Variants in STK32C observed in about 807,000 individuals in gnomAD.
The protein encoded by STK32C is serine/threonine kinase 32C.
Under a neutral mutation model 56.5 loss-of-function variants are expected in STK32C, and 31 were observed. That is an observed-to-expected ratio of 0.55 (90% CI 0.41 to 0.74). The LOEUF is 0.74. Among genes scored for constraint, STK32C ranks in the 30% least tolerant of loss-of-function variants. The pLI is 0.00. For missense variants in STK32C, 544 were observed against 676.9 expected, an observed-to-expected ratio of 0.80 and a Z score of 2.18; for synonymous variants, 309 against 289.4, an observed-to-expected ratio of 1.07 and a Z score of -0.69.
chr10:132,259,500 G>A, intron 1 of STK32C, among the ~76,000 whole-genome samples: 1 of 152,136 alleles, frequency 6.6e-6, no homozygotes, highest in Non-Finnish European at 1.5e-5. Context: ...ATCATGGGGT[G>A]GAGTTCCCCC....
In STK32C at chr10:132,301,520, C is replaced by T. The variant is rs531399690; in HGVS notation, c.262+6052G>A. On this transcript the variant is annotated intron_variant, in intron 1 of 11. Transcript: ENST00000298630. Reference sequence around the variant, plus strand: ...GGGGGTCCCCGGGGAAGACAAGGCCCCGCAGTGGGCTCGGGGACACAGGAT... The same window carrying T: ...GGGGGTCCCCGGGGAAGACAAGGCCTCGCAGTGGGCTCGGGGACACAGGAT... Among the ~76,000 whole-genome samples the T allele has an allele frequency of 2.6e-5, 4 of 152,302 alleles. No homozygotes were observed. In the South Asian group the frequency reaches 8.3e-4, roughly 32 times the overall value.
chr10:132,239,500 C>T (rs1415893092), intron 2 of STK32C, among the ~76,000 whole-genome samples: 1 of 152,256 alleles, frequency 6.6e-6, no homozygotes, highest in African/African-American at 2.4e-5. Flanking sequence ...ACACTCCCTG[C>T]CAGATGGGGG....
Position 132,222,767 on chromosome 10 carries a change from G to A in STK32C, c.1125C>T (p.Gly375=). The change falls in exon 10 of 12, where the codon GGC becomes GGT. Residue 375 remains glycine, a synonymous_variant. Coordinates refer to ENST00000298630, the MANE Select transcript of STK32C (RefSeq NM_173575.4). The part of the protein sequence containing the change: ...RVEPGFVPNK[G]RLHCDPTFEL... ...CAAAGGTGGGGTCGCAGTGCAGACG[G>A]CCTTTCTACAGAGGGATGGGTGCTG... 6.2e-7 allele frequency: 1 copy of A among 1,601,250 alleles called. No homozygotes were observed. The highest frequency in any genetic ancestry group is 8.5e-7 in the Non-Finnish European group (1 of 1,174,318).
intron 1 of STK32C, among the ~76,000 whole-genome samples, chr10:132,268,957 G>A (rs1198407130): frequency 3.2e-5 from 1 of 30,934 alleles, no homozygotes; most frequent in East Asian, 6.3e-4. Flanking sequence ...GTCTCACATC[G>A]TGTGTGTGTG....
chr10:132,297,727 T>C (rs1795588327), intron 1 of STK32C, among the ~76,000 whole-genome samples: 1 of 152,274 alleles, frequency 6.6e-6, no homozygotes, highest in East Asian at 1.9e-4. Context: ...CCAGGGGCAG[T>C]GCAGGAAGCC....
chr10:132,304,786 C>A (rs2138391691), intron 1 of STK32C, among the ~76,000 whole-genome samples: 1 of 152,360 alleles, frequency 6.6e-6, no homozygotes, highest in South Asian at 2.1e-4. Flanking sequence ...TGCCTCACTG[C>A]CTGCCCGGCC....
chr10:132,243,953 CAG>C (rs1046471730), intron 2 of STK32C, among the ~76,000 whole-genome samples: 4 of 152,234 alleles, frequency 2.6e-5, no homozygotes, highest in Non-Finnish European at 5.9e-5. Context: ...TGCAGGGAAA[CAG>C]GGGTGGCTGG....
chr10:132,316,425 C>A (rs1399668731), intron 1 of STK32C, among the ~76,000 whole-genome samples: 1 of 152,050 alleles, frequency 6.6e-6, no homozygotes, highest in Non-Finnish European at 1.5e-5. Flanking sequence ...CCAGCCTAGG[C>A]AACATAGTGA....
chr10:132,263,235 T>C (rs1315625419), intron 1 of STK32C, among the ~76,000 whole-genome samples: 2 of 152,170 alleles, frequency 1.3e-5, no homozygotes, highest in African/African-American at 4.8e-5. Flanking sequence ...GCAGTACCTA[T>C]ACACCATGGC....
At chr10:132,216,323 G>T (rs1417711593) in intron 10 of STK32C, among the ~76,000 whole-genome samples, 2 of 152,098 alleles carry the variant, frequency 1.3e-5, no homozygotes, top group African/African-American at 4.8e-5. Flanking sequence ...AATTAGCTGG[G>T]TGTGGTGGTG....
At chr10:132,318,633 G>GGAAAA (rs1027337071) in intron 1 of STK32C, among the ~76,000 whole-genome samples, 2 of 150,708 alleles carry the variant, frequency 1.3e-5, no homozygotes, top group Non-Finnish European at 3.0e-5. Flanking sequence ...AAAAAAAAAA[G>GGAAAA]GAAAAGAAAA....
rs955275212 is a variant in STK32C at position 132,299,873 on chromosome 10, C to T, written c.262+7699G>A. Among the ~76,000 whole-genome samples the T allele has an allele frequency of 4.6e-5, 7 of 152,344 alleles. No individual in the cohort carries two copies. The East Asian group carries it at 1.2e-3, about 25-fold the overall frequency. ...GCCGCCAGGAACAGCTTTCCCACAG[C>T]GAACAGAGGCTCTGAGGTCAGACGT... On this transcript the variant is annotated intron_variant, in intron 1 of 11. Coordinates refer to ENST00000298630, the MANE Select transcript of STK32C (RefSeq NM_173575.4).
chr10:132,265,368 C>A (rs972842101), intron 1 of STK32C, among the ~76,000 whole-genome samples: 2 of 152,176 alleles, frequency 1.3e-5, no homozygotes, highest in African/African-American at 2.4e-5. Context: ...CAGGCCTGGC[C>A]CATCACAGCG....
intron 1 of STK32C, among the ~76,000 whole-genome samples, chr10:132,318,370 C>A (rs1427609636): frequency 1.3e-5 from 2 of 152,020 alleles, no homozygotes; most frequent in African/African-American, 4.8e-5. Flanking sequence ...AATCCCAGCA[C>A]CTTGGGAGGC....
exon 1 of STK32C, chr10:132,331,712 C>G: frequency 1.9e-6 from 3 of 1,612,666 alleles, no homozygotes; most frequent in Non-Finnish European, 2.5e-6. Flanking sequence ...CCGGGCCCTC[C>G]GGCTCCCCAG....
At chr10:132,243,785 C>T (rs755760824) in intron 2 of STK32C, among the ~76,000 whole-genome samples, 4 of 152,140 alleles carry the variant, frequency 2.6e-5, no homozygotes, top group Non-Finnish European at 5.9e-5. Flanking sequence ...TGGCAGGACC[C>T]GACTCTACCC....
Position 132,220,733 on chromosome 10 carries a change from C to G in STK32C, c.1251+1908G>C, listed in dbSNP as rs559969970. 3.3e-5 allele frequency among the ~76,000 whole-genome samples: 5 copies of G among 152,344 alleles called. No individual in the cohort carries two copies. The East Asian group carries it at 9.6e-4, about 29-fold the overall frequency. On this transcript the variant is annotated intron_variant, in intron 10 of 11. Transcript: ENST00000298630. Reference sequence around the variant, plus strand: ...CAAATCCCTGATGAGACCACGACCTCAGACAATATTAGCTCACACTCTGGG... The same window carrying G: ...CAAATCCCTGATGAGACCACGACCTGAGACAATATTAGCTCACACTCTGGG...
rs113260149 is a variant in STK32C at position 132,242,967 on chromosome 10, G to A, written c.318+2933C>T. On this transcript the variant is annotated intron_variant, in intron 2 of 11. Coordinates refer to ENST00000298630, the MANE Select transcript of STK32C (RefSeq NM_173575.4). ...AAGGTCAATGGCTTTTAAGAGATGCGTGTCCAGAGATGGGGCCCACCTTAC... is the reference window on the plus strand; with the variant it reads ...AAGGTCAATGGCTTTTAAGAGATGCATGTCCAGAGATGGGGCCCACCTTAC... Among the ~76,000 whole-genome samples, 1,235 of 152,252 alleles carry A rather than the reference G, an allele frequency of 8.1e-3. 13 individuals are homozygous for A. Among genetic ancestry groups the A allele is most frequent in the African/African-American group, 0.027 (1,125 of 41,542 alleles).
At chr10:132,259,363 A>G (rs2064230809) in intron 1 of STK32C, among the ~76,000 whole-genome samples, 1 of 152,142 alleles carries the variant, frequency 6.6e-6, no homozygotes, top group African/African-American at 2.4e-5. Context: ...TGTCATCCCC[A>G]GTGTTGGAGG....
Sources: allele counts gnomAD v4.1 joint callset (sites outside exome capture counted in the v4.1 genomes callset), GRCh38; gene constraint gnomAD v4.1.1; transcripts MANE v1.5; gene names NCBI Gene and HGNC (gene_info 2026-07-23, HGNC 2026-07-21).